C6orf141: variants seen among roughly 807,000 people sequenced by gnomAD.
C6orf141 encodes chromosome 6 open reading frame 141, also known as uncharacterized protein C6orf141.
For missense variants in C6orf141, 361 were observed against 335.8 expected (o/e 1.07, Z -0.59); for synonymous variants, 164 against 140.5 (o/e 1.17, Z -1.18).
chr6:49,550,857 C>T lies in C6orf141; in HGVS notation c.65C>T (p.Ser22Phe). Reference sequence around the variant, plus strand: ...CAGGGAGCTGCGAATCCCATGGACTCCTCCCGCAGCCTGGGGGACCTCGGG... The same window carrying T: ...CAGGGAGCTGCGAATCCCATGGACTTCTCCCGCAGCCTGGGGGACCTCGGG... Reference protein sequence around the residue: ...GPQGAANPMDSSRSLGDLGPF... With the variant: ...GPQGAANPMDFSRSLGDLGPF... The change falls in exon 1 of 1, where the codon TCC (serine) becomes TTC (phenylalanine). Residue 22 changes from serine (S) to phenylalanine (F), a missense_variant. Coordinates refer to ENST00000529246, the MANE Select transcript of C6orf141 (RefSeq NM_001145652.2). 2 of 1,500,248 alleles carry T rather than the reference C, an allele frequency of 1.3e-6. No homozygotes were observed. Among genetic ancestry groups the T allele is most frequent in the Non-Finnish European group, 1.8e-6 (2 of 1,128,666 alleles). The allele number at this position is 1,500,248 out of a possible 1,614,324, so 92.9% of individuals were successfully genotyped here.
At chr6:49,558,866 C>T (rs1041488913) in intron 4 of C6orf141, among the ~76,000 whole-genome samples, 2 of 151,694 alleles carry the variant, frequency 1.3e-5, no homozygotes, top group African/African-American at 4.8e-5. Context: ...CGCCACCATG[C>T]CTGGCTAATT....
At chr6:49,555,949 C>T (rs1771845962), downstream of C6orf141, among the ~76,000 whole-genome samples, 2 of 152,162 alleles carry the variant, frequency 1.3e-5, no homozygotes, top group Non-Finnish European at 2.9e-5. Flanking sequence ...AATATACCTA[C>T]ATATATACAT....
At chr6:49,558,092 C>T (rs1471932842) in intron 4 of C6orf141, among the ~76,000 whole-genome samples, 5 of 111,856 alleles carry the variant, frequency 4.5e-5, no homozygotes, top group African/African-American at 1.1e-4. Flanking sequence ...TTAGTAGAGA[C>T]GGGTTTTGGG....
At chr6:49,561,056 C>G (rs1773220334) in intron 4 of C6orf141, 1 of 149,258 alleles carries the variant, frequency 6.7e-6, no homozygotes, top group South Asian at 2.1e-4. Context: ...CTCTCTCTGT[C>G]TGTCTCACAC....
At chr6:49,556,612 G>C (rs1219109545), downstream of C6orf141, among the ~76,000 whole-genome samples, 2 of 152,186 alleles carry the variant, frequency 1.3e-5, no homozygotes, top group Non-Finnish European at 2.9e-5. Context: ...CAACTCTGCA[G>C]GCTGAGTCAG....
At chr6:49,555,785 G>C (rs943790676), downstream of C6orf141, among the ~76,000 whole-genome samples, 1 of 151,804 alleles carries the variant, frequency 6.6e-6, no homozygotes, top group Non-Finnish European at 1.5e-5. Context: ...TGTGATTACA[G>C]GCGTGAGCCA....
chr6:49,551,150 G>T lies in C6orf141; in HGVS notation c.358G>T (p.Gly120Cys). 1.3e-6 allele frequency: 2 copies of T among 1,551,726 alleles called. No individual in the cohort carries two copies. Among genetic ancestry groups the T allele is most frequent in the Non-Finnish European group, 1.7e-6 (2 of 1,146,984 alleles). Reference sequence around the variant, plus strand: ...CGGTGCAGAGGACCTTCCTCATGCGGGTGGAGAGGACCACGGCGAGGAGCC... The same window carrying T: ...CGGTGCAGAGGACCTTCCTCATGCGTGTGGAGAGGACCACGGCGAGGAGCC... ...VAGAEDLPHA[G>C]GEDHGEEPNY... Residue 120 changes from glycine (G) to cysteine (C), a missense_variant, in exon 1 of 1, where the codon GGT (glycine) becomes TGT (cysteine). Physicochemically the swap from Gly to Cys is radical, Grantham distance 159 (BLOSUM62 -3). Coordinates refer to ENST00000529246, the MANE Select transcript of C6orf141 (RefSeq NM_001145652.2).
chr6:49,558,987 A>G (rs909372898), intron 4 of C6orf141, among the ~76,000 whole-genome samples: 19 of 151,688 alleles, frequency 1.3e-4, no homozygotes, highest in Non-Finnish European at 2.9e-5. Flanking sequence ...GATTACAGGC[A>G]TGAGCCACCA....
chr6:49,558,059 G>GTTTTTTT (rs71002664), intron 4 of C6orf141, among the ~76,000 whole-genome samples: 24 of 97,762 alleles, frequency 2.5e-4, no homozygotes, highest in African/African-American at 4.0e-4. Flanking sequence ...ACTCAAATAT[G>GTTTTTTT]TTTTTTTTTT....
chr6:49,551,200 AC>A, exon 1 of C6orf141: 1 of 1,551,582 alleles, frequency 6.4e-7, no homozygotes, highest in East Asian at 2.4e-5. Flanking sequence ...TCTTTCAACG[AC>A]AAAAGCGAAT....
At chr6:49,553,417 G>T (rs1771088260), downstream of C6orf141, among the ~76,000 whole-genome samples, 1 of 152,148 alleles carries the variant, frequency 6.6e-6, no homozygotes, top group African/African-American at 2.4e-5. Context: ...AGGTAGAAAA[G>T]ATTCATCCCT....
rs535321470 is a variant in C6orf141, at chr6:49,551,948, G to A, written c.*421G>A. ...AGAGGGTGGGAGTGGGTGGAGAAGA[G>A]GCTTGTTTTAAAAGCCAAAAACAGA... On this transcript the variant is annotated 3_prime_UTR_variant, in exon 1 of 1. Coordinates refer to ENST00000529246, the MANE Select transcript of C6orf141 (RefSeq NM_001145652.2). 376 of 1,014,630 alleles carry A rather than the reference G, an allele frequency of 3.7e-4. No homozygotes were observed. Among genetic ancestry groups the A allele is most frequent in the Non-Finnish European group, 4.4e-4 (367 of 840,052 alleles). The allele number at this position is 1,014,630 out of a possible 1,614,324, so 62.9% of individuals were successfully genotyped here.
chr6:49,555,543 C>G (rs994531435), downstream of C6orf141, among the ~76,000 whole-genome samples: 5 of 136,376 alleles, frequency 3.7e-5, no homozygotes, highest in Non-Finnish European at 7.7e-5. Flanking sequence ...GAGCCTCGCT[C>G]TGTTGCCCAG....
At chr6:49,560,230 G>T (rs1773029378) in intron 4 of C6orf141, among the ~76,000 whole-genome samples, 1 of 152,006 alleles carries the variant, frequency 6.6e-6, no homozygotes, top group African/African-American at 2.4e-5. Flanking sequence ...CAGAAGAATA[G>T]CTTGAACTCA....
intron 4 of C6orf141, among the ~76,000 whole-genome samples, chr6:49,557,600 A>T (rs1772208124): frequency 6.6e-6 from 1 of 152,172 alleles, no homozygotes; most frequent in Non-Finnish European, 1.5e-5. Context: ...AGATCCAGGT[A>T]TGTCTTTCTT....
At chr6:49,559,895 A>G (rs1266692763) in intron 4 of C6orf141, among the ~76,000 whole-genome samples, 1 of 152,184 alleles carries the variant, frequency 6.6e-6, no homozygotes, top group Non-Finnish European at 1.5e-5. Context: ...AAGCCAACCT[A>G]TGGACTTTCC....
chr6:49,555,358 T>C (rs563987948), downstream of C6orf141: 9 of 152,144 alleles, frequency 5.9e-5, no homozygotes, highest in Non-Finnish European at 1.0e-4. Context: ...ATTGGGAAAA[T>C]ATTATGAAGA....
chr6:49,550,880 G>A lies in C6orf141; in HGVS notation c.88G>A (p.Gly30Arg), dbSNP rs1437645042. Reference sequence around the variant, plus strand: ...CTCCTCCCGCAGCCTGGGGGACCTCGGGCCTTTTCCGCGGGAGGTAGGGCG... The same window carrying A: ...CTCCTCCCGCAGCCTGGGGGACCTCAGGCCTTTTCCGCGGGAGGTAGGGCG... ...MDSSRSLGDL[G>R]PFPREVGRGA... The change falls in exon 1 of 1, where the codon GGG becomes AGG. Residue 30 changes from glycine (G) to arginine (R), a missense_variant. Gly to Arg is a moderately radical substitution (Grantham distance 125). Transcript: ENST00000529246. The A allele has an allele frequency of 6.6e-7, 1 of 1,518,286 alleles. No homozygotes were observed. Among genetic ancestry groups the A allele is most frequent in the Non-Finnish European group, 8.8e-7 (1 of 1,135,688 alleles). 94.1% of individuals were successfully genotyped at this position (1,518,286 alleles called of 1,614,324 possible).
At position 49,551,204 on chromosome 6, in the gene C6orf141, A is replaced by C; in HGVS notation, c.412A>C (p.Lys138Gln). ...PNYPSVFQRQ[K>Q]RISGRRVAPP... is the part of the protein sequence containing the mutation. ...CTACCCTTCTGTCTTTCAACGACAAAAGCGAATTTCTGGCAGGCGTGTAGC... is the reference window on the plus strand; with the variant it reads ...CTACCCTTCTGTCTTTCAACGACAACAGCGAATTTCTGGCAGGCGTGTAGC... Residue 138 changes from lysine to glutamine, a missense_variant, in exon 1 of 1, where the codon AAG becomes CAG. Physicochemically the swap from Lys to Gln is moderately conservative, Grantham distance 53 (BLOSUM62 1). Coordinates refer to ENST00000529246, the MANE Select transcript of C6orf141 (RefSeq NM_001145652.2). 6.4e-7 allele frequency: 1 copy of C among 1,551,560 alleles called. No homozygotes were observed.
Sources: gnomAD v4.1 joint callset for allele counts (sites outside exome capture counted in the v4.1 genomes callset) on GRCh38, gnomAD v4.1.1 for gene constraint, MANE v1.5 for transcripts, NCBI Gene and HGNC (gene_info 2026-07-23, HGNC 2026-07-21) for gene names.